Variants in SLIT3 observed in about 807,000 individuals in gnomAD.
The protein encoded by SLIT3 is slit homolog 3 protein.
SLIT3 carries 68 observed loss-of-function variants against 184.0 expected under a neutral mutation model. The ratio of observed to expected loss-of-function variants is 0.37; its 90% CI spans 0.30 to 0.45. The LOEUF (loss-of-function observed/expected upper bound fraction) is 0.45, where lower values mean the gene tolerates loss of function less well. Among genes scored for constraint, SLIT3 ranks in the 20% least tolerant of loss-of-function variants. The pLI is 1.00. For missense variants in SLIT3, 1,707 were observed against 2,026.0 expected (o/e 0.84, Z 3.02); for synonymous variants, 831 against 828.6 (o/e 1.00, Z -0.05).
chr5:169,296,309 C>A (rs1767499875), intron 1 of SLIT3, among the ~76,000 whole-genome samples: 1 of 152,194 alleles, frequency 6.6e-6, no homozygotes, highest in Admixed American at 6.5e-5. Context: ...CTTACAGTTC[C>A]CCCAGTGGAC....
At chr5:169,265,935 G>T (rs1766382347) in intron 1 of SLIT3, among the ~76,000 whole-genome samples, 2 of 152,200 alleles carry the variant, frequency 1.3e-5, no homozygotes, top group Admixed American at 1.3e-4. Context: ...CAAAGCATCT[G>T]CAGAGACAGT....
intron 1 of SLIT3, among the ~76,000 whole-genome samples, chr5:169,276,657 T>A (rs572642905): frequency 6.6e-6 from 1 of 152,366 alleles, no homozygotes; most frequent in Admixed American, 6.5e-5. Flanking sequence ...CATCTTTGTG[T>A]TCCACAGTTG....
intron 4 of SLIT3, among the ~76,000 whole-genome samples, chr5:169,174,698 A>G (rs1380817986): frequency 6.6e-6 from 1 of 152,166 alleles, no homozygotes; most frequent in East Asian, 1.9e-4. Flanking sequence ...CAACTCATCT[A>G]AGAGTATGTC....
At chr5:169,041,841 A>AGACC (rs1430077247) in intron 4 of SLIT3, among the ~76,000 whole-genome samples, 1 of 152,228 alleles carries the variant, frequency 6.6e-6, no homozygotes, top group African/African-American at 2.4e-5. Flanking sequence ...CTGTTAGACA[A>AGACC]GACCCTATTT....
intron 12 of SLIT3, among the ~76,000 whole-genome samples, chr5:168,784,072 G>A (rs1447370124): frequency 6.6e-6 from 1 of 152,078 alleles, no homozygotes; most frequent in East Asian, 1.9e-4. Flanking sequence ...TATCCTTAAT[G>A]TGTGCAAAGC....
At chr5:169,180,051 T>A (rs931585142) in intron 4 of SLIT3, among the ~76,000 whole-genome samples, 4 of 151,936 alleles carry the variant, frequency 2.6e-5, no homozygotes, top group Middle Eastern at 3.4e-3. Flanking sequence ...ATGAAGAAAA[T>A]AGAGCAGGAT....
At chr5:169,097,166 A>G (rs1759816979) in intron 4 of SLIT3, among the ~76,000 whole-genome samples, 1 of 152,190 alleles carries the variant, frequency 6.6e-6, no homozygotes. Flanking sequence ...TAGTGTTGAA[A>G]CATTACCATT....
At chr5:169,227,810 G>A (rs1764864644) in intron 3 of SLIT3, among the ~76,000 whole-genome samples, 1 of 152,246 alleles carries the variant, frequency 6.6e-6, no homozygotes, top group Admixed American at 6.5e-5. Flanking sequence ...CAGATGAGGA[G>A]ATGAAGGCAC....
intron 3 of SLIT3, among the ~76,000 whole-genome samples, chr5:169,198,840 G>A (rs979964610): frequency 2.0e-5 from 3 of 151,974 alleles, no homozygotes; most frequent in Non-Finnish European, 4.4e-5. Flanking sequence ...GCTTAGGCAG[G>A]AGAATCACTT....
intron 23 of SLIT3, chr5:168,720,410 C>T (rs1561892803): frequency 6.6e-6 from 1 of 152,218 alleles, no homozygotes; most frequent in Non-Finnish European, 1.5e-5. Context: ...GACGGGCAAA[C>T]ATTTTCTCTC....
At chr5:169,288,608 G>C (rs112798615) in intron 1 of SLIT3, among the ~76,000 whole-genome samples, 1 of 152,188 alleles carries the variant, frequency 6.6e-6, no homozygotes, top group Non-Finnish European at 1.5e-5. Flanking sequence ...AGTTTGAACT[G>C]TTCTAGTTAC....
chr5:169,083,590 G>C (rs1353587707), intron 4 of SLIT3, among the ~76,000 whole-genome samples: 2 of 152,212 alleles, frequency 1.3e-5, no homozygotes, highest in Admixed American at 6.5e-5. Context: ...AGCCTCTCCA[G>C]CATGTGTGTT....
intron 27 of SLIT3, 44 bp from the exon 28 acceptor site, chr5:168,696,475 G>A (rs775448802): frequency 2.9e-5 from 46 of 1,610,712 alleles, no homozygotes; most frequent in Non-Finnish European, 3.7e-5. Flanking sequence ...CAGGGGTCAG[G>A]GAGAGAGGTG....
chr5:168,720,334 GA>G (rs1366293891), intron 23 of SLIT3: 1 of 151,794 alleles, frequency 6.6e-6, no homozygotes, highest in Admixed American at 6.6e-5. Context: ...TGAGGAAAGA[GA>G]AAACCCTGGT....
At position 169,239,354 on chromosome 5, in the gene SLIT3, C is replaced by A. The variant is rs184636592; in HGVS notation, c.341+5351G>T. Among the ~76,000 whole-genome samples the A allele has an allele frequency of 4.3e-4, 65 of 152,090 alleles. No individual in the cohort carries two copies. The East Asian group carries it at 0.012, about 28-fold the overall frequency. On this transcript the variant is annotated intron_variant, in intron 3 of 35. Transcript: ENST00000519560. ...CTCAAGGTTATGCTGGCTAAATAGA[C>A]AAATGTTCATTCTTTTAACAGAATG...
chr5:169,061,120 A>G (rs1322138895), intron 4 of SLIT3, among the ~76,000 whole-genome samples: 2 of 152,236 alleles, frequency 1.3e-5, no homozygotes. Context: ...GCACGGTTCT[A>G]GAATAAATAT....
intron 4 of SLIT3, among the ~76,000 whole-genome samples, chr5:168,890,697 G>A (rs1160110543): frequency 2.0e-5 from 3 of 152,218 alleles, no homozygotes; most frequent in African/African-American, 4.8e-5. Flanking sequence ...TAGAAGAATA[G>A]ATGAAACAAG....
intron 4 of SLIT3, among the ~76,000 whole-genome samples, chr5:169,135,349 T>C (rs1761463991): frequency 6.6e-6 from 1 of 152,138 alleles, no homozygotes; most frequent in Non-Finnish European, 1.5e-5. Flanking sequence ...TGCCCTCAGG[T>C]GATCTGCCTG....
At chr5:168,976,529 C>T (rs1436697157) in intron 4 of SLIT3, among the ~76,000 whole-genome samples, 1 of 152,232 alleles carries the variant, frequency 6.6e-6, no homozygotes, top group Admixed American at 6.5e-5. Flanking sequence ...TATAATTCAA[C>T]TAGCCTCGCT....
Sources: gnomAD v4.1 joint callset for allele counts (sites outside exome capture counted in the v4.1 genomes callset) on GRCh38, gnomAD v4.1.1 for gene constraint, MANE v1.5 for transcripts, NCBI Gene and HGNC (gene_info 2026-07-23, HGNC 2026-07-21) for gene names.